GPR89B: variants seen among roughly 807,000 people sequenced by gnomAD.
The protein encoded by GPR89B is G protein-coupled receptor 89B.
A neutral mutation model predicts 52.4 loss-of-function variants in GPR89B; 25 were observed. That is an observed-to-expected ratio of 0.48 (90% CI 0.35 to 0.67). The LOEUF (loss-of-function observed/expected upper bound fraction) is 0.67. Ranked by LOEUF, GPR89B falls within the 30% of genes least tolerant of loss-of-function variation. GPR89B has a pLI of 0.01. For synonymous variants in GPR89B, 52 were observed against 151.2 expected, an observed-to-expected ratio of 0.34 and a Z score of 4.81; for missense variants, 146 against 450.2, an observed-to-expected ratio of 0.32 and a Z score of 6.11.
At chr1:148,014,367 G>C in the GPR89B span, 2 of 151,692 alleles carry the variant, frequency 1.3e-5, no homozygotes, top group African/African-American at 2.4e-5. Context: ...AGGGCGGGAA[G>C]GGTCCCTGGC....
At chr1:148,019,648 C>G in the GPR89B span, among the ~76,000 whole-genome samples, 2 of 151,956 alleles carry the variant, frequency 1.3e-5, no homozygotes, top group African/African-American at 4.8e-5. Context: ...AAGAACGGTG[C>G]AAATCTATAC....
intron 5 of GPR89B, among the ~76,000 whole-genome samples, chr1:147,949,761 C>T (rs1655408043): frequency 6.9e-6 from 1 of 144,702 alleles, no homozygotes; most frequent in Non-Finnish European, 1.5e-5. Flanking sequence ...CAGAGGCGCC[C>T]CTCACCTCCC....
chr1:147,968,371 A>T (rs1486131009), intron 8 of GPR89B: 1 of 453,908 alleles, frequency 2.2e-6, no homozygotes, highest in African/African-American at 2.0e-5. Flanking sequence ...ACACCATGGC[A>T]TAAGACAATC....
Position 147,968,891 on chromosome 1 carries a change from A to G in GPR89B, c.744A>G (p.Gln248=), listed in dbSNP as rs1657224908. The part of the protein sequence containing the change: ...ASGSENLTLI[Q]QEVDALEELS... The stretch of plus-strand genomic sequence containing the variant: ...CTGTGCCAGATCTTACTCTTATTCA[A>G]CAGGAAGTGGATGCTTTGGAAGAAT... The change falls in exon 9 of 14, where the codon CAA becomes CAG. Residue 248 remains glutamine (Q), a synonymous_variant. Transcript: ENST00000314163. 9 of 1,611,696 alleles carry G rather than the reference A, an allele frequency of 5.6e-6. No individual in the cohort carries two copies. Among genetic ancestry groups the G allele is most frequent in the Non-Finnish European group, 7.6e-6 (9 of 1,178,434 alleles).
At chr1:148,019,038 C>T in the GPR89B span, among the ~76,000 whole-genome samples, 1 of 149,822 alleles carries the variant, frequency 6.7e-6, no homozygotes, top group African/African-American at 2.5e-5. Context: ...GTGCAGTGGC[C>T]AGATCTCGGC....
chr1:147,985,156 A>G (rs1658572191), intron 10 of GPR89B, among the ~76,000 whole-genome samples: 1 of 152,172 alleles, frequency 6.6e-6, no homozygotes, highest in Admixed American at 6.5e-5. Context: ...GTATATAAAC[A>G]TTTAGAATCA....
intron 1 of GPR89B, among the ~76,000 whole-genome samples, chr1:147,932,173 A>G (rs1460907093): frequency 6.6e-6 from 1 of 151,992 alleles, no homozygotes; most frequent in Non-Finnish European, 1.5e-5. Context: ...CATAAGTCAT[A>G]TAAATATGGT....
In GPR89B at chr1:147,969,930, T is replaced by C; in HGVS notation, c.880T>C (p.Ser294Pro). Residue 294 changes from serine (S) to proline (P), a missense_variant, in exon 10 of 14, where the codon TCT becomes CCT. Physicochemically the swap from Ser to Pro is moderately conservative, Grantham distance 74. Transcript: ENST00000314163. ...TTTTAATTTTCTTGGTTACTTTTTC[T>C]CTATTTACTGTGTTTGGAAAATTTT... Reference protein sequence around the residue: ...KYFNFLGYFFSIYCVWKIFMA... With the variant: ...KYFNFLGYFFPIYCVWKIFMA... The C allele has an allele frequency of 6.7e-7, 1 of 1,488,834 alleles. No individual in the cohort carries two copies. Among genetic ancestry groups the C allele is most frequent in the Non-Finnish European group, 9.0e-7 (1 of 1,113,602 alleles). The allele number at this position is 1,488,834 out of a possible 1,614,324, so 92.2% of individuals were successfully genotyped here.
In GPR89B at chr1:147,955,636, T is replaced by C. The variant is rs1189247299; in HGVS notation, c.617+1234T>C. On this transcript the variant is annotated intron_variant, in intron 7 of 13. Coordinates refer to ENST00000314163, the MANE Select transcript of GPR89B (RefSeq NM_016334.5). ...AGGTGATATCTCATTGTGTCTTAGTTTGCAATTCCTTAATGGCTAGTATGT... is the reference window on the plus strand; with the variant it reads ...AGGTGATATCTCATTGTGTCTTAGTCTGCAATTCCTTAATGGCTAGTATGT... Among the ~76,000 whole-genome samples the C allele has an allele frequency of 2.4e-4, 36 of 152,086 alleles. No homozygotes were observed. The East Asian group carries it at 6.6e-3, about 28-fold the overall frequency.
chr1:148,009,440 A>G, the GPR89B span: 1 of 1,602,368 alleles, frequency 6.2e-7, no homozygotes, highest in Non-Finnish European at 8.5e-7. Context: ...CATTCATCAC[A>G]GGGGAAAGTA....
Position 147,969,894 on chromosome 1 carries a change from A to G in GPR89B, c.844A>G (p.Lys282Glu). The change falls in exon 10 of 14, where the codon AAG becomes GAG. Residue 282 changes from lysine (K) to glutamate (E), a missense_variant. By Grantham distance (56) the Lys-to-Glu change is moderately conservative. Coordinates refer to ENST00000314163, the MANE Select transcript of GPR89B (RefSeq NM_016334.5). ...GAGAATAGAATACTCCAAAACCTTC[A>G]AGGGGAAATATTTTAATTTTCTTGG... ...KERIEYSKTF[K>E]GKYFNFLGYF... is the part of the protein sequence containing the mutation. The G allele has an allele frequency of 6.7e-7, 1 of 1,495,284 alleles. No homozygotes were observed. Among genetic ancestry groups the G allele is most frequent in the South Asian group, 1.3e-5 (1 of 77,102 alleles). 92.6% of individuals were successfully genotyped at this position (1,495,284 alleles called of 1,614,324 possible).
intron 8 of GPR89B, chr1:147,968,149 A>G (rs2149075652): frequency 2.4e-6 from 1 of 412,386 alleles, no homozygotes; most frequent in East Asian, 7.0e-5. Context: ...CAAACATATC[A>G]GGACTATTTA....
chr1:147,989,314 T>G (rs1658889125), intron 12 of GPR89B, among the ~76,000 whole-genome samples: 1 of 152,228 alleles, frequency 6.6e-6, no homozygotes, highest in Non-Finnish European at 1.5e-5. Context: ...CAACATTTCA[T>G]TATAATGCTG....
At chr1:147,977,000 C>G (rs1287851235) in intron 10 of GPR89B, among the ~76,000 whole-genome samples, 10 of 151,474 alleles carry the variant, frequency 6.6e-5, no homozygotes. Context: ...TTTGGGAGGC[C>G]GAGGCGGGCA....
intron 1 of GPR89B, among the ~76,000 whole-genome samples, chr1:147,936,101 T>C (rs1473270303): frequency 2.0e-5 from 3 of 152,224 alleles, no homozygotes; most frequent in African/African-American, 7.2e-5. Flanking sequence ...CTCTGCAACC[T>C]CTGCCTCCCA....
At chr1:147,988,074 C>T (rs1181224782) in intron 11 of GPR89B, among the ~76,000 whole-genome samples, 22 of 151,874 alleles carry the variant, frequency 1.4e-4, no homozygotes, top group South Asian at 4.2e-4. Flanking sequence ...TACTTGCTGC[C>T]GGGCATGGTG....
At chr1:147,997,265 GAAT>G (rs1659337060), downstream of GPR89B, among the ~76,000 whole-genome samples, 1 of 152,136 alleles carries the variant, frequency 6.6e-6, no homozygotes, top group Admixed American at 6.5e-5. Flanking sequence ...CTGGATTAAG[GAAT>G]ACCTAGAAGC....
chr1:147,986,173 C>T, intron 10 of GPR89B, 26 bp from the exon 11 acceptor site: 1 of 1,609,300 alleles, frequency 6.2e-7, no homozygotes, highest in East Asian at 2.2e-5. Flanking sequence ...TAAGATGCTC[C>T]AAGGTAAAAA....
At chr1:148,013,154 C>T in the GPR89B span, among the ~76,000 whole-genome samples, 4 of 151,950 alleles carry the variant, frequency 2.6e-5, no homozygotes, top group Non-Finnish European at 4.4e-5. Flanking sequence ...TTGGGGCGGG[C>T]GTGAGAGGTT....
Sources: gnomAD v4.1 joint callset for allele counts (sites outside exome capture counted in the v4.1 genomes callset) on GRCh38, gnomAD v4.1.1 for gene constraint, MANE v1.5 for transcripts, NCBI Gene and HGNC (gene_info 2026-07-23, HGNC 2026-07-21) for gene names.